The following TTC28 variants were observed in gnomAD, a reference collection of about 807,000 sequenced individuals.
TTC28 encodes tetratricopeptide repeat domain 28.
Under a neutral mutation model 198.0 loss-of-function variants are expected in TTC28, and 61 were observed. The ratio of observed to expected loss-of-function variants is 0.31; its 90% CI spans 0.25 to 0.38. TTC28 has a LOEUF of 0.38. Ranked by LOEUF, TTC28 falls within the 10% of genes least tolerant of loss-of-function variation. The pLI is 1.00. For synonymous variants in TTC28, 1,171 were observed against 1,297.8 expected (o/e 0.90, Z 2.10); for missense variants, 2,678 against 3,164.0 (o/e 0.85, Z 3.69).
rs575557337 is a variant in TTC28 at position 28,330,888 on chromosome 22, C to T, written c.382-24245G>A. Among the ~76,000 whole-genome samples the T allele has an allele frequency of 1.2e-3, 190 of 152,152 alleles. 1 individual carries two copies. Among genetic ancestry groups the T allele is most frequent in the African/African-American group, 3.3e-3 (136 of 41,532 alleles). ...TGTAAAAATTTAATGTGGGTCTTCC[C>T]CAGCTTACAAAGGAATTGTATTCCA... On this transcript the variant is annotated intron_variant, in intron 2 of 22. Coordinates refer to ENST00000397906, the MANE Select transcript of TTC28 (RefSeq NM_001145418.2).
At chr22:28,603,360 A>C (rs2050672419) in intron 2 of TTC28, among the ~76,000 whole-genome samples, 1 of 152,052 alleles carries the variant, frequency 6.6e-6, no homozygotes, top group Non-Finnish European at 1.5e-5. Flanking sequence ...AGTTATATAC[A>C]GGTCAATTTT....
At chr22:27,990,448 T>C (rs1336004474) in intron 20 of TTC28, among the ~76,000 whole-genome samples, 1 of 152,248 alleles carries the variant, frequency 6.6e-6, no homozygotes, top group Non-Finnish European at 1.5e-5. Flanking sequence ...CAAGTGTCCA[T>C]TTCCTTTCAG....
intron 1 of TTC28, among the ~76,000 whole-genome samples, chr22:28,640,321 G>T (rs1305888989): frequency 7.0e-6 from 1 of 142,816 alleles, no homozygotes; most frequent in Non-Finnish European, 1.5e-5. Flanking sequence ...AAGGGGGGGG[G>T]GGGAAAGATG....
chr22:28,075,087 C>CAATA (rs139230003), intron 12 of TTC28, among the ~76,000 whole-genome samples: 102 of 151,592 alleles, frequency 6.7e-4, no homozygotes, highest in African/African-American at 2.1e-3. Context: ...GATTCTGTCT[C>CAATA]AATAAATAAA....
chr22:28,616,219 C>G (rs996848503), intron 2 of TTC28, among the ~76,000 whole-genome samples: 5 of 152,104 alleles, frequency 3.3e-5, no homozygotes, highest in African/African-American at 1.2e-4. Flanking sequence ...TCCAAATCTT[C>G]CAGTTACTAA....
chr22:28,584,374 C>A (rs1040394329), intron 2 of TTC28, among the ~76,000 whole-genome samples: 1 of 152,190 alleles, frequency 6.6e-6, no homozygotes. Context: ...ATAACAGGAT[C>A]TCTGTAGCAT....
At chr22:28,089,498 A>T in intron 12 of TTC28, among the ~76,000 whole-genome samples, 1 of 118,980 alleles carries the variant, frequency 8.4e-6, no homozygotes, top group Non-Finnish European at 1.7e-5. Context: ...GGAACATCAC[A>T]CTCTGGGGAC....
chr22:28,154,735 C>T (rs1943713467), intron 6 of TTC28, among the ~76,000 whole-genome samples: 1 of 152,144 alleles, frequency 6.6e-6, no homozygotes, highest in East Asian at 1.9e-4. Context: ...CTAGGCTACA[C>T]TTTATTGTTC....
At chr22:28,461,744 T>A (rs2047953933) in intron 2 of TTC28, among the ~76,000 whole-genome samples, 1 of 152,164 alleles carries the variant, frequency 6.6e-6, no homozygotes, top group Non-Finnish European at 1.5e-5. Context: ...AAGTTTTTTG[T>A]TCCTCCATGA....
rs533282850 is a variant in TTC28 at position 28,357,426 on chromosome 22, C to T, written c.382-50783G>A. Among the ~76,000 whole-genome samples, 26 of 150,912 alleles carry T rather than the reference C, an allele frequency of 1.7e-4. No homozygotes were observed. The South Asian group carries it at 5.4e-3, about 32-fold the overall frequency. Reference sequence around the variant, plus strand: ...AACCTCCCAGACTCAAACAATCCTCCTGCCTCAGCCACCCAAGTAGCTAGG... The same window carrying T: ...AACCTCCCAGACTCAAACAATCCTCTTGCCTCAGCCACCCAAGTAGCTAGG... On this transcript the variant is annotated intron_variant, in intron 2 of 22. Coordinates refer to ENST00000397906, the MANE Select transcript of TTC28 (RefSeq NM_001145418.2).
At chr22:28,223,049 T>C (rs1259574494) in intron 5 of TTC28, among the ~76,000 whole-genome samples, 1 of 152,228 alleles carries the variant, frequency 6.6e-6, no homozygotes, top group Non-Finnish European at 1.5e-5. Flanking sequence ...GTCAGACTTT[T>C]GGAGAGAAAA....
At chr22:28,163,908 T>TGACA (rs1451976936) in intron 5 of TTC28, among the ~76,000 whole-genome samples, 2 of 151,926 alleles carry the variant, frequency 1.3e-5, no homozygotes, top group Non-Finnish European at 2.9e-5. Flanking sequence ...AAGAAAGGGG[T>TGACA]GACAGACGGC....
chr22:28,263,172 C>CAAT, intron 5 of TTC28, among the ~76,000 whole-genome samples: 1 of 152,150 alleles, frequency 6.6e-6, no homozygotes, highest in Non-Finnish European at 1.5e-5. Context: ...ATCAAAAGAT[C>CAAT]AATAATAATA....
At chr22:28,178,957 C>A (rs1923439801) in intron 5 of TTC28, among the ~76,000 whole-genome samples, 1 of 152,112 alleles carries the variant, frequency 6.6e-6, no homozygotes, top group African/African-American at 2.4e-5. Flanking sequence ...AATTTGCAAT[C>A]CCCACAGATG....
intron 6 of TTC28, among the ~76,000 whole-genome samples, chr22:28,161,053 T>G (rs866715142): frequency 1.3e-5 from 2 of 152,166 alleles, no homozygotes; most frequent in African/African-American, 4.8e-5. Context: ...CACTGCTGAT[T>G]TTCTGTCAGG....
At chr22:28,382,679 C>A (rs1229923879) in intron 2 of TTC28, among the ~76,000 whole-genome samples, 3 of 152,190 alleles carry the variant, frequency 2.0e-5, no homozygotes, top group Non-Finnish European at 4.4e-5. Flanking sequence ...AAGCACAACA[C>A]TAGACCAAAT....
At chr22:28,575,639 G>A (rs1185256354) in intron 2 of TTC28, among the ~76,000 whole-genome samples, 2 of 152,146 alleles carry the variant, frequency 1.3e-5, no homozygotes, top group African/African-American at 2.4e-5. Context: ...TCCAATCCAT[G>A]TACATGGAAT....
At chr22:28,319,029 T>C (rs1325932614) in intron 2 of TTC28, among the ~76,000 whole-genome samples, 1 of 151,982 alleles carries the variant, frequency 6.6e-6, no homozygotes, top group Non-Finnish European at 1.5e-5. Flanking sequence ...GATCTTGCCA[T>C]GTTGTCCAGG....
chr22:28,228,563 G>T (rs1420617314), intron 5 of TTC28, among the ~76,000 whole-genome samples: 1 of 152,026 alleles, frequency 6.6e-6, no homozygotes, highest in East Asian at 1.9e-4. Flanking sequence ...AGCTGGGCGT[G>T]GTGGTGTGCA....
Sources: gnomAD v4.1 joint callset for allele counts (sites outside exome capture counted in the v4.1 genomes callset) on GRCh38, gnomAD v4.1.1 for gene constraint, MANE v1.5 for transcripts, NCBI Gene and HGNC (gene_info 2026-07-23, HGNC 2026-07-21) for gene names.